Variants in GPR35 observed in about 807,000 individuals in gnomAD.
GPR35 encodes G protein-coupled receptor 35, also known as KYNA receptor.
For missense variants in GPR35, 372 were observed against 422.5 expected, an observed-to-expected ratio of 0.88 and a Z score of 1.05; for synonymous variants, 207 against 198.4, an observed-to-expected ratio of 1.04 and a Z score of -0.36.
At chr2:240,610,898 TG>T (rs2043176511) in intron 2 of GPR35, among the ~76,000 whole-genome samples, 1 of 151,720 alleles carries the variant, frequency 6.6e-6, no homozygotes, top group Non-Finnish European at 1.5e-5. Flanking sequence ...CCACCCAAAG[TG>T]CTGGGGTTAC....
intron 2 of GPR35, among the ~76,000 whole-genome samples, chr2:240,613,289 G>C (rs79279674): frequency 0.035 from 5,363 of 152,166 alleles, 319 homozygotes; most frequent in East Asian, 0.19. Context: ...GCAGAACATG[G>C]GAAAACCTAC....
chr2:240,620,893 C>T (rs2125481633), upstream of GPR35, among the ~76,000 whole-genome samples: 1 of 152,344 alleles, frequency 6.6e-6, no homozygotes, highest in East Asian at 1.9e-4. Context: ...CACACAAAAG[C>T]AGGGCATCTA....
intron 2 of GPR35, chr2:240,607,493 G>GGT (rs1206204586): frequency 2.6e-5 from 4 of 152,174 alleles, no homozygotes; most frequent in Non-Finnish European, 5.9e-5. Context: ...GCTGAACCCT[G>GGT]TCCATTTATT....
chr2:240,622,361 A>G (rs1460985233), upstream of GPR35, among the ~76,000 whole-genome samples: 1 of 152,022 alleles, frequency 6.6e-6, no homozygotes, highest in East Asian at 1.9e-4. Context: ...GCTGAACGTA[A>G]ACGGCTTTTC....
intron 2 of GPR35, among the ~76,000 whole-genome samples, chr2:240,609,348 G>A (rs1291986656): frequency 6.6e-6 from 1 of 152,136 alleles, no homozygotes; most frequent in African/African-American, 2.4e-5. Context: ...AACACTGAGA[G>A]CTACAGATTT....
upstream of GPR35, among the ~76,000 whole-genome samples, chr2:240,622,045 T>A (rs1414184384): frequency 6.6e-6 from 1 of 151,690 alleles, no homozygotes; most frequent in Non-Finnish European, 1.5e-5. Context: ...GCTGATTTTT[T>A]TTTTTTTTAC....
chr2:240,609,089 G>A (rs959163721), intron 2 of GPR35, among the ~76,000 whole-genome samples: 2 of 151,988 alleles, frequency 1.3e-5, no homozygotes, highest in Non-Finnish European at 2.9e-5. Flanking sequence ...TTTTATTCCT[G>A]ATATTAGTAA....
intron 1 of GPR35, chr2:240,628,496 A>G (rs1484146037): frequency 1.3e-5 from 2 of 152,236 alleles, no homozygotes; most frequent in Non-Finnish European, 2.9e-5. Flanking sequence ...AGGAGACAGA[A>G]TGAAGCCAGG....
exon 3 of GPR35, chr2:240,616,465 A>G (rs776972711): frequency 2.6e-6 from 2 of 780,676 alleles, no homozygotes; most frequent in African/African-American, 3.4e-5. Flanking sequence ...CATGCCTGCC[A>G]ATCTCCTGTC....
At chr2:240,629,022 C>G (rs1277946186) in intron 1 of GPR35, 1 of 152,336 alleles carries the variant, frequency 6.6e-6, no homozygotes. Flanking sequence ...GACTCTAGCC[C>G]GTGTCCTGGA....
chr2:240,630,851 G>C lies in GPR35; in HGVS notation c.899G>C (p.Ser300Thr). 1 of 1,612,950 alleles carries C rather than the reference G, an allele frequency of 6.2e-7. No individual in the cohort carries two copies. Among genetic ancestry groups the C allele is most frequent in the East Asian group, 2.2e-5 (1 of 44,880 alleles). ...AVAPSAKAHK[S>T]QDSLCVTLA ...GCTCCCAGTGCTAAGGCCCACAAAA[G>C]CCAGGACTCTCTGTGCGTGACCCTC... Residue 300 changes from serine (S) to threonine (T), a missense_variant, in exon 2 of 2, where the codon AGC (serine) becomes ACC (threonine). Ser to Thr is a moderately conservative substitution (Grantham distance 58). Transcript: ENST00000407714.
Position 240,631,661 on chromosome 2 carries a change from C to A in GPR35, c.*779C>A, listed in dbSNP as rs1356636184. Among the ~76,000 whole-genome samples the A allele has an allele frequency of 6.6e-6, 1 of 152,144 alleles. No homozygotes were observed. The highest frequency in any genetic ancestry group is 6.5e-5 in the Admixed American group (1 of 15,276). ...CTTCCTTCAGGGAAAGGCTGGAAAC[C>A]ATGTCTGGCAGGGGCAGGGGTTGGG... On this transcript the variant is annotated 3_prime_UTR_variant, in exon 2 of 2. Coordinates refer to ENST00000407714, the MANE Select transcript of GPR35 (RefSeq NM_005301.5).
intron 5 of GPR35, chr2:240,619,079 A>G (rs2043266450): frequency 1.4e-6 from 1 of 692,058 alleles, no homozygotes; most frequent in South Asian, 1.5e-5. Context: ...GAGTAAATGC[A>G]TCTCTAATTT....
chr2:240,620,755 C>G (rs1214012073), upstream of GPR35, among the ~76,000 whole-genome samples: 1 of 152,172 alleles, frequency 6.6e-6, no homozygotes, highest in Admixed American at 6.5e-5. Flanking sequence ...TAGTCTTCTG[C>G]AGCCACCCCC....
rs2975788 is a variant in GPR35, at chr2:240,632,441, A to G, written c.*1559A>G. The stretch of plus-strand genomic sequence containing the variant: ...CCCAGGAGTGTCCCTGCCTAGGAAG[A>G]TCCATTACCAGAAGGGCCCATGTCA... On this transcript the variant is annotated 3_prime_UTR_variant, in exon 2 of 2. Coordinates refer to ENST00000407714, the MANE Select transcript of GPR35 (RefSeq NM_005301.5). 0.39 allele frequency among the ~76,000 whole-genome samples: 57,637 copies of G among 147,370 alleles called. 12,799 individuals are homozygous for G. The highest frequency in any genetic ancestry group is 0.69 in the East Asian group (3,423 of 4,990).
upstream of GPR35, among the ~76,000 whole-genome samples, chr2:240,622,175 C>A (rs528669264): frequency 6.6e-6 from 1 of 152,202 alleles, no homozygotes; most frequent in Non-Finnish European, 1.5e-5. Flanking sequence ...CCACCGCGTC[C>A]GGCCAAGGGT....
intron 1 of GPR35, among the ~76,000 whole-genome samples, chr2:240,626,567 G>T (rs2043381137): frequency 6.6e-6 from 1 of 152,094 alleles, no homozygotes; most frequent in African/African-American, 2.4e-5. Context: ...TTGTTGGAGT[G>T]TGGGATGTGA....
In GPR35 at chr2:240,631,545, G is replaced by A. The variant is rs1422157059; in HGVS notation, c.*663G>A. Among the ~76,000 whole-genome samples, 4 of 152,146 alleles carry A rather than the reference G, an allele frequency of 2.6e-5. No individual in the cohort carries two copies. The East Asian group carries it at 5.8e-4, about 22-fold the overall frequency. ...GGGGCTGCACAGCGGTGCAAGGGGG[G>A]GTGACCAAGGTCAAGCAGGTGAGGG... On this transcript the variant is annotated 3_prime_UTR_variant, in exon 2 of 2. Transcript: ENST00000407714.
chr2:240,625,486 C>G lies in GPR35; in HGVS notation c.-87C>G. 1 of 985,860 alleles carries G rather than the reference C, an allele frequency of 1.0e-6. No homozygotes were observed. Among genetic ancestry groups the G allele is most frequent in the East Asian group, 1.1e-4 (1 of 8,816 alleles). The allele number at this position is 985,860 out of a possible 1,614,324, so 61.1% of individuals were successfully genotyped here. A position where few individuals can be genotyped will look rare whatever the true frequency, so the allele number is the denominator to read the frequency against. On this transcript the variant is annotated 5_prime_UTR_variant, in exon 1 of 2. Transcript: ENST00000407714. ...GGTGGCTCACCCCAGCTTCACTTCC[C>G]CCAGCCCTTCTCAGACAGCCACTGT...
Sources: allele counts gnomAD v4.1 joint callset (sites outside exome capture counted in the v4.1 genomes callset), GRCh38; gene constraint gnomAD v4.1.1; transcripts MANE v1.5; gene names NCBI Gene and HGNC (gene_info 2026-07-23, HGNC 2026-07-21).